The following PPP1R1C variants were observed in gnomAD, a reference collection of about 807,000 sequenced individuals.
PPP1R1C encodes protein phosphatase 1 regulatory inhibitor subunit 1C, also known as protein phosphatase 1 regulatory subunit 1C.
Under a neutral mutation model 17.4 loss-of-function variants are expected in PPP1R1C, and 15 were observed. That is an observed-to-expected ratio of 0.86 (90% confidence interval 0.58 to 1.33). The LOEUF is 1.33. Among genes scored for constraint, PPP1R1C ranks in the 40% most tolerant of loss-of-function variants. The pLI, the probability that PPP1R1C is intolerant of heterozygous loss-of-function variation, is 0.00. For missense variants in PPP1R1C, 143 were observed against 130.0 expected (o/e 1.10, Z -0.48); for synonymous variants, 35 against 43.1 (o/e 0.81, Z 0.73).
chr2:182,059,556 G>A (rs1466323722), intron 2 of PPP1R1C, among the ~76,000 whole-genome samples: 3 of 152,080 alleles, frequency 2.0e-5, no homozygotes, highest in Non-Finnish European at 4.4e-5. Flanking sequence ...TGGCAACTAT[G>A]ATCTGTTATT....
At chr2:182,046,474 T>A (rs1687350412) in intron 2 of PPP1R1C, among the ~76,000 whole-genome samples, 1 of 150,968 alleles carries the variant, frequency 6.6e-6, no homozygotes, top group Non-Finnish European at 1.5e-5. Context: ...ATGCCTGTAA[T>A]CCCAGCACTT....
chr2:181,956,110 C>G (rs1574336880), intron 1 of PPP1R1C, among the ~76,000 whole-genome samples: 1 of 152,280 alleles, frequency 6.6e-6, no homozygotes, highest in South Asian at 2.1e-4. Flanking sequence ...CATATGTTCT[C>G]ACTTTTCAAC....
chr2:181,962,422 G>T lies in PPP1R1C; in HGVS notation n.111+7788G>T. 1.4e-6 allele frequency: 1 copy of T among 713,820 alleles called. No homozygotes were observed. The highest frequency in any genetic ancestry group is 1.8e-5 in the Admixed American group (1 of 54,418). 44.2% of individuals were successfully genotyped at this position (713,820 alleles called of 1,614,324 possible). A position where few individuals can be genotyped will look rare whatever the true frequency, so the allele number is the denominator to read the frequency against. The stretch of plus-strand genomic sequence containing the variant: ...GCCGGGCGCCGTAGTTGGACACCTG[G>T]ACAGAGCCCAGGAACAGGTAGTTGG... On this transcript the variant is annotated intron_variant and non_coding_transcript_variant, in intron 1 of 5. Transcript: ENST00000464264. The surrounding 1 kb of genome is among the most constrained non-coding windows in gnomAD (Gnocchi z 6.0).
At chr2:182,088,623 A>C (rs1490349579) in intron 4 of PPP1R1C, among the ~76,000 whole-genome samples, 1 of 152,212 alleles carries the variant, frequency 6.6e-6, no homozygotes, top group Non-Finnish European at 1.5e-5. Flanking sequence ...AGAGTTTGGC[A>C]GTGAGGCAAG....
In PPP1R1C at chr2:181,961,100, C is replaced by T; in HGVS notation, n.111+6466C>T. ...GTAACAGGAGCGTGTGTCACATCAT[C>T]ATAGCAGTTTTCTTGTCTTCCTTCC... On this transcript the variant is annotated intron_variant and non_coding_transcript_variant, in intron 1 of 5. Coordinates refer to the PPP1R1C transcript ENST00000464264. The surrounding 1 kb of genome is among the most constrained non-coding windows in gnomAD (Gnocchi z 5.8). The T allele has an allele frequency of 5.2e-6, 3 of 581,872 alleles. No individual in the cohort carries two copies. Among genetic ancestry groups the T allele is most frequent in the Admixed American group, 2.6e-5 (1 of 37,822 alleles). 36.0% of individuals were successfully genotyped at this position (581,872 alleles called of 1,614,324 possible).
chr2:181,960,080 C>CT (rs1462895453), intron 1 of PPP1R1C, among the ~76,000 whole-genome samples: 1 of 152,120 alleles, frequency 6.6e-6, no homozygotes, highest in Non-Finnish European at 1.5e-5. Flanking sequence ...ATTGTGGATA[C>CT]CTGTATAAAG....
chr2:181,987,979 A>G, intron 2 of PPP1R1C, 80 bp downstream of exon 2: 1 of 1,228,466 alleles, frequency 8.1e-7, no homozygotes, highest in Admixed American at 2.3e-5. Context: ...GTCGTACTGA[A>G]AAGTTTCAAT....
chr2:182,089,140 A>T (rs1290685131), intron 4 of PPP1R1C, among the ~76,000 whole-genome samples: 2 of 152,118 alleles, frequency 1.3e-5, no homozygotes, highest in Non-Finnish European at 2.9e-5. Flanking sequence ...CTGTTCAAGA[A>T]TTTTTTTCAA....
intron 2 of PPP1R1C, among the ~76,000 whole-genome samples, chr2:182,026,688 T>C (rs553944002): frequency 1.5e-4 from 23 of 152,306 alleles, no homozygotes; most frequent in Non-Finnish European, 5.9e-5. Flanking sequence ...GACTTGGCAA[T>C]GCGGGCTCTT....
At chr2:182,029,048 TG>T (rs1273463196) in intron 2 of PPP1R1C, among the ~76,000 whole-genome samples, 1 of 145,146 alleles carries the variant, frequency 6.9e-6, no homozygotes, top group Non-Finnish European at 1.5e-5. Context: ...TGCCTTTTTT[TG>T]TTTTCCCTTG....
At chr2:181,994,469 C>T (rs1477661941) in intron 2 of PPP1R1C, among the ~76,000 whole-genome samples, 1 of 152,078 alleles carries the variant, frequency 6.6e-6, no homozygotes, top group Non-Finnish European at 1.5e-5. Flanking sequence ...TTCTCTCATG[C>T]TGACTTTTAA....
intron 1 of PPP1R1C, among the ~76,000 whole-genome samples, chr2:181,974,850 G>A (rs1050399131): frequency 3.9e-5 from 6 of 152,170 alleles, no homozygotes; most frequent in Non-Finnish European, 8.8e-5. Flanking sequence ...CCTGAACATC[G>A]TTTAAAAGGT....
chr2:182,093,884 T>A (rs1442063358), intron 4 of PPP1R1C, among the ~76,000 whole-genome samples: 1 of 152,218 alleles, frequency 6.6e-6, no homozygotes, highest in African/African-American at 2.4e-5. Flanking sequence ...CTTTTCCACA[T>A]TTTCCTGTCT....
At chr2:181,959,609 T>G (rs1684730223) in intron 1 of PPP1R1C, among the ~76,000 whole-genome samples, 1 of 152,204 alleles carries the variant, frequency 6.6e-6, no homozygotes, top group Non-Finnish European at 1.5e-5. Flanking sequence ...GACATCTGTA[T>G]GTATGTATAT....
chr2:181,966,570 T>A (rs756030589), intron 1 of PPP1R1C, among the ~76,000 whole-genome samples: 4 of 152,202 alleles, frequency 2.6e-5, no homozygotes, highest in Non-Finnish European at 4.4e-5. Context: ...AATGATCATA[T>A]GGCTTTTGTC....
At chr2:182,075,319 G>A (rs1160885879) in intron 4 of PPP1R1C, among the ~76,000 whole-genome samples, 3 of 152,126 alleles carry the variant, frequency 2.0e-5, no homozygotes, top group Non-Finnish European at 2.9e-5. Flanking sequence ...TACCCACAAG[G>A]CAACTCATTT....
At chr2:182,046,626 C>T (rs1687355283) in intron 2 of PPP1R1C, among the ~76,000 whole-genome samples, 1 of 150,950 alleles carries the variant, frequency 6.6e-6, no homozygotes, top group Admixed American at 6.6e-5. Flanking sequence ...GTGATCCCAG[C>T]TACTCGGGAG....
chr2:181,987,969 G>A lies in PPP1R1C; in HGVS notation c.142+70G>A, dbSNP rs1383008490. On this transcript the variant is annotated intron_variant, in intron 2 of 4. Transcript: ENST00000682840. ...TTGTTTAAAGAACATCAAAGTACAT[G>A]TCGTACTGAAAAGTTTCAATTTAGG... The A allele has an allele frequency of 6.8e-6, 9 of 1,316,790 alleles. No homozygotes were observed. In the South Asian group the frequency reaches 1.2e-4, roughly 18 times the overall value. 81.6% of individuals were successfully genotyped at this position (1,316,790 alleles called of 1,614,324 possible). A position where few individuals can be genotyped will look rare whatever the true frequency, so the allele number is the denominator to read the frequency against.
At chr2:182,031,018 C>T (rs923944817) in intron 2 of PPP1R1C, 4 of 153,290 alleles carry the variant, frequency 2.6e-5, no homozygotes, top group Non-Finnish European at 5.8e-5. Context: ...GGAAAGGGAA[C>T]TCCCTGACCC....
Sources: gnomAD v4.1 joint callset for allele counts (sites outside exome capture counted in the v4.1 genomes callset) on GRCh38, gnomAD v4.1.1 for gene constraint, Gnocchi (gnomAD v3.1) non-coding constraint, MANE v1.5 for transcripts, NCBI Gene and HGNC (gene_info 2026-07-23, HGNC 2026-07-21) for gene names.